UNC5C: variants seen among roughly 807,000 people sequenced by gnomAD.
The protein encoded by UNC5C is netrin receptor UNC5C.
A neutral mutation model predicts 99.8 loss-of-function variants in UNC5C; 47 were observed. That is an observed-to-expected ratio of 0.47 (90% CI 0.37 to 0.60). The LOEUF is 0.60. Among genes scored for constraint, UNC5C ranks in the 20% least tolerant of loss-of-function variants. The probability of loss-of-function intolerance (pLI) is 0.00; values close to 1 mark genes in which losing one functional copy is unlikely to be tolerated. For missense variants in UNC5C, 1,062 were observed against 1,165.9 expected (o/e 0.91, Z 1.30); for synonymous variants, 487 against 452.2 (o/e 1.08, Z -0.98).
At chr4:95,251,099 C>A (rs1739704957) in intron 4 of UNC5C, among the ~76,000 whole-genome samples, 1 of 152,158 alleles carries the variant, frequency 6.6e-6, no homozygotes, top group Admixed American at 6.5e-5. Context: ...TTACCTGCTG[C>A]TTTTCAGAAA....
chr4:95,493,930 C>T (rs765189246), intron 1 of UNC5C, among the ~76,000 whole-genome samples: 23 of 151,478 alleles, frequency 1.5e-4, no homozygotes, highest in Admixed American at 2.0e-4. Context: ...TCAATTACAA[C>T]GCCATTTTTT....
At chr4:95,275,399 G>C (rs1346410973) in intron 4 of UNC5C, among the ~76,000 whole-genome samples, 1 of 152,114 alleles carries the variant, frequency 6.6e-6, no homozygotes, top group African/African-American at 2.4e-5. Context: ...TAAGTGATTT[G>C]CATATATTAT....
rs766612955 is a variant in UNC5C, at chr4:95,342,554, C to T, written c.125-6923G>A. On this transcript the variant is annotated intron_variant, in intron 1 of 15. Coordinates refer to ENST00000453304, the MANE Select transcript of UNC5C (RefSeq NM_003728.4). ...GTGGTTCTGGGGTGAGACTCAGAGA[C>T]GTGCTGGCTTCATATGGCTTCAGAC... is the stretch of plus-strand genomic sequence containing the variant. 1.5e-4 allele frequency among the ~76,000 whole-genome samples: 23 copies of T among 151,970 alleles called. 1 individual carries two copies. The highest frequency in any genetic ancestry group is 9.2e-4 in the Admixed American group (14 of 15,262).
At chr4:95,405,152 C>G (rs1461851061) in intron 1 of UNC5C, among the ~76,000 whole-genome samples, 1 of 152,170 alleles carries the variant, frequency 6.6e-6, no homozygotes, top group Non-Finnish European at 1.5e-5. Flanking sequence ...AAAGGCAGAG[C>G]GTCCATTGAG....
In UNC5C at chr4:95,166,780, C is replaced by T. The variant is rs547373979; in HGVS notation, c.*2454G>A. 4 of 152,300 alleles carry T rather than the reference C, an allele frequency of 2.6e-5. No individual in the cohort carries two copies. In the South Asian group the frequency reaches 8.3e-4, roughly 32 times the overall value. The allele number at this position is 152,300 out of a possible 1,614,324, so 9.4% of individuals were successfully genotyped here. On this transcript the variant is annotated 3_prime_UTR_variant, in exon 16 of 16. Coordinates refer to ENST00000453304, the MANE Select transcript of UNC5C (RefSeq NM_003728.4). ...AAATGTAGGAATGGACAATAGCTCT[C>T]TTTCCTCCTCCTCCTTTTAAAAAAT...
intron 12 of UNC5C, among the ~76,000 whole-genome samples, chr4:95,195,860 A>G (rs1737358576): frequency 6.6e-6 from 1 of 152,096 alleles, no homozygotes; most frequent in Non-Finnish European, 1.5e-5. Context: ...GGGCACATGA[A>G]ATTTATCCAA....
chr4:95,391,209 C>G (rs980870672), intron 1 of UNC5C, among the ~76,000 whole-genome samples: 1 of 152,102 alleles, frequency 6.6e-6, no homozygotes, highest in Non-Finnish European at 1.5e-5. Context: ...TATGAATTAC[C>G]CAGTCTCAGG....
intron 7 of UNC5C, chr4:95,222,275 G>GAA: frequency 5.9e-6 from 8 of 1,355,668 alleles, no homozygotes; most frequent in Admixed American, 3.2e-5. Context: ...ACCTTGAAAA[G>GAA]AAAAAAAAAT....
chr4:95,547,908 C>T (rs577856513), intron 1 of UNC5C, among the ~76,000 whole-genome samples: 34 of 152,346 alleles, frequency 2.2e-4, no homozygotes, highest in African/African-American at 8.2e-4. Context: ...CGGCTTCGCC[C>T]AGGGCCCCGG....
At chr4:95,538,506 T>C (rs1722834688) in intron 1 of UNC5C, among the ~76,000 whole-genome samples, 1 of 152,168 alleles carries the variant, frequency 6.6e-6, no homozygotes, top group African/African-American at 2.4e-5. Context: ...CCTCCCTCAT[T>C]AGGATTTAGA....
At chr4:95,379,835 G>C (rs1745014039) in intron 1 of UNC5C, among the ~76,000 whole-genome samples, 1 of 152,164 alleles carries the variant, frequency 6.6e-6, no homozygotes, top group Non-Finnish European at 1.5e-5. Context: ...AAGATACGGA[G>C]GTGACAAGAT....
intron 1 of UNC5C, among the ~76,000 whole-genome samples, chr4:95,441,693 T>C (rs1746956254): frequency 6.6e-6 from 1 of 152,178 alleles, no homozygotes; most frequent in Non-Finnish European, 1.5e-5. Flanking sequence ...ACTAATTACA[T>C]AAATTATTTT....
intron 1 of UNC5C, among the ~76,000 whole-genome samples, chr4:95,487,559 T>G (rs772480972): frequency 4.6e-5 from 7 of 151,790 alleles, no homozygotes; most frequent in Non-Finnish European, 1.0e-4. Context: ...TGATTTATGA[T>G]CTGGTTAAAT....
At chr4:95,518,065 CTG>C (rs1271973223) in intron 1 of UNC5C, among the ~76,000 whole-genome samples, 1 of 152,114 alleles carries the variant, frequency 6.6e-6, no homozygotes, top group East Asian at 1.9e-4. Flanking sequence ...GGAGAAAAGA[CTG>C]AGATAGTGAA....
intron 15 of UNC5C, among the ~76,000 whole-genome samples, 165 bp from the exon 16 acceptor site, chr4:95,169,564 C>T (rs1736004592): frequency 1.3e-5 from 2 of 152,170 alleles, no homozygotes; most frequent in Admixed American, 1.3e-4. Context: ...AGATCAGCCC[C>T]AGACAGGGGA....
intron 1 of UNC5C, among the ~76,000 whole-genome samples, chr4:95,391,795 G>A (rs933772168): frequency 1.4e-5 from 2 of 148,016 alleles, no homozygotes; most frequent in African/African-American, 4.9e-5. Flanking sequence ...TTAAAGAGAG[G>A]CCAAAGCACT....
chr4:95,400,340 G>A (rs1056819069), intron 1 of UNC5C, among the ~76,000 whole-genome samples: 1 of 149,402 alleles, frequency 6.7e-6, no homozygotes, highest in Non-Finnish European at 1.5e-5. Context: ...CACAGCCAGC[G>A]AGAAAATGTG....
intron 1 of UNC5C, among the ~76,000 whole-genome samples, chr4:95,342,000 G>A (rs67892114): frequency 0.14 from 20,564 of 152,144 alleles, 1,579 homozygotes; most frequent in African/African-American, 0.19. Context: ...CATCCTTACC[G>A]TCAGAACCTG....
chr4:95,206,514 T>G, intron 11 of UNC5C, 114 bp downstream of exon 11: 4 of 1,459,872 alleles, frequency 2.7e-6, no homozygotes, highest in Non-Finnish European at 3.7e-6. Context: ...ATTTTGAGGG[T>G]GAGCTAAAAT....
Sources: allele counts gnomAD v4.1 joint callset (sites outside exome capture counted in the v4.1 genomes callset), GRCh38; gene constraint gnomAD v4.1.1; transcripts MANE v1.5; gene names NCBI Gene and HGNC (gene_info 2026-07-23, HGNC 2026-07-21).